The following ZNF276 variants were observed in gnomAD, a reference collection of about 807,000 sequenced individuals.
The protein encoded by ZNF276 is centromere protein Z.
ZNF276 carries 59 observed loss-of-function variants against 63.9 expected under a neutral mutation model. That is an observed-to-expected ratio of 0.92 (90% CI 0.75 to 1.15). The LOEUF (loss-of-function observed/expected upper bound fraction) is 1.15. ZNF276 is among the 50% of genes most tolerant of loss of function. The pLI is 0.00. For missense variants in ZNF276, 1,084 were observed against 843.8 expected (o/e 1.28, Z -3.53); for synonymous variants, 496 against 348.4 (o/e 1.42, Z -4.72).
intron 5 of ZNF276, among the ~76,000 whole-genome samples, chr16:89,727,956 A>G (rs1261929847): frequency 6.6e-6 from 1 of 152,222 alleles, no homozygotes; most frequent in Non-Finnish European, 1.5e-5. Flanking sequence ...CTCTGAGCCA[A>G]GCGCCATTCA....
At chr16:89,733,127 C>T in intron 6 of ZNF276, 175 bp from the exon 7 acceptor site, 1 of 645,562 alleles carries the variant, frequency 1.5e-6, no homozygotes, top group Non-Finnish European at 2.7e-6. Flanking sequence ...GCCCCTGAGG[C>T]CTCCTGTCCA....
chr16:89,738,210 C>T lies in ZNF276; in HGVS notation c.1809C>T (p.Thr603=), dbSNP rs779866663. ...CTGGGCCACCGAGCCCCTCTGTGAC[C>T]ACAGAGGGCCAGGCGGTGAAGCCCG... ...PPPGPPSPSV[T]TEGQAVKPEP... The change falls in exon 11 of 11, where the codon ACC becomes ACT. Residue 603 remains threonine, a synonymous_variant. Coordinates refer to ENST00000443381, the MANE Select transcript of ZNF276 (RefSeq NM_001113525.2). The T allele has an allele frequency of 3.7e-6, 6 of 1,610,354 alleles. No individual in the cohort carries two copies. Among genetic ancestry groups the T allele is most frequent in the East Asian group, 2.2e-5 (1 of 44,654 alleles).
At chr16:89,720,497 C>T (rs931061366), upstream of ZNF276, 69 of 1,130,122 alleles carry the variant, frequency 6.1e-5, no homozygotes, top group African/African-American at 1.1e-3. Flanking sequence ...TGCTACATCT[C>T]CTCTACAGGT....
rs1480028223 is a variant in ZNF276, at chr16:89,723,561, C to T, written c.858C>T (p.Ser286=). 6.2e-7 allele frequency: 1 copy of T among 1,612,778 alleles called. No homozygotes were observed. The highest frequency in any genetic ancestry group is 8.5e-7 in the Non-Finnish European group (1 of 1,179,988). ...ACCCTGGGGATGCCCCTCAGACCTCCCAGGGTAGAGGGACAGGGACCCCAG... is the reference window on the plus strand; with the variant it reads ...ACCCTGGGGATGCCCCTCAGACCTCTCAGGGTAGAGGGACAGGGACCCCAG... The part of the protein sequence containing the change: ...GWNPGDAPQT[S]QGRGTGTPVG... Residue 286 remains serine, a synonymous_variant, in exon 4 of 11, where the codon TCC becomes TCT. Coordinates refer to ENST00000443381, the MANE Select transcript of ZNF276 (RefSeq NM_001113525.2).
chr16:89,733,622 G>C, intron 8 of ZNF276, 65 bp downstream of exon 8: 1 of 1,578,448 alleles, frequency 6.3e-7, no homozygotes, highest in South Asian at 1.1e-5. Context: ...GGAGGTAGCA[G>C]GTGTTTCTGC....
In ZNF276 at chr16:89,739,323, G is replaced by A. The variant is rs369398999; in HGVS notation, c.*1077G>A. On this transcript the variant is annotated 3_prime_UTR_variant, in exon 11 of 11. Transcript: ENST00000443381. ...AAAGACATAGTGACAAATGGCTACA[G>A]ACTGCTGGAAAGGTAGCAGGTGATG... 6 of 1,613,280 alleles carry A rather than the reference G, an allele frequency of 3.7e-6. No homozygotes were observed. Among genetic ancestry groups the A allele is most frequent in the Admixed American group, 3.3e-5 (2 of 59,978 alleles).
intron 9 of ZNF276, 23 bp from the exon 10 acceptor site, chr16:89,737,783 C>G: frequency 6.2e-7 from 1 of 1,614,076 alleles, no homozygotes; most frequent in Non-Finnish European, 8.5e-7. Flanking sequence ...GGGGCCTGGA[C>G]TCACTGGACT....
At chr16:89,720,914 G>C, upstream of ZNF276, 3 of 1,268,072 alleles carry the variant, frequency 2.4e-6, no homozygotes, top group South Asian at 2.5e-5. Flanking sequence ...ACGGGCGACC[G>C]GAGGCCCGGA....
chr16:89,740,296 A>G lies in ZNF276; in HGVS notation c.*2050A>G. ...CTCAGGTAGGAGGCCAGGGACTTCG[A>G]GCACCCACACCAAGGCTGCTGCACC... is the stretch of plus-strand genomic sequence containing the variant. On this transcript the variant is annotated 3_prime_UTR_variant, in exon 11 of 11. Coordinates refer to ENST00000443381, the MANE Select transcript of ZNF276 (RefSeq NM_001113525.2). 1 of 605,668 alleles carries G rather than the reference A, an allele frequency of 1.7e-6. No individual in the cohort carries two copies. The highest frequency in any genetic ancestry group is 3.0e-6 in the Non-Finnish European group (1 of 337,528). The allele number at this position is 605,668 out of a possible 1,614,324, so 37.5% of individuals were successfully genotyped here. A position where few individuals can be genotyped will look rare whatever the true frequency, so the allele number is the denominator to read the frequency against.
rs1235253861 is a variant in ZNF276, at chr16:89,738,983, A to G, written c.*737A>G. ...AGTTCCACGGGGTTGCCCTAGAGAG[A>G]AAACAGGCAAACTCACAGGTTAGAA... On this transcript the variant is annotated 3_prime_UTR_variant, in exon 11 of 11. Coordinates refer to ENST00000443381, the MANE Select transcript of ZNF276 (RefSeq NM_001113525.2). 6 of 1,614,196 alleles carry G rather than the reference A, an allele frequency of 3.7e-6. No homozygotes were observed. The highest frequency in any genetic ancestry group is 5.1e-6 in the Non-Finnish European group (6 of 1,180,038).
Position 89,729,295 on chromosome 16 carries a change from C to T in ZNF276, c.1146C>T (p.Ser382=). 1 of 1,614,112 alleles carries T rather than the reference C, an allele frequency of 6.2e-7. No homozygotes were observed. Among genetic ancestry groups the T allele is most frequent in the Admixed American group, 1.7e-5 (1 of 60,016 alleles). Residue 382 remains serine (S), a synonymous_variant, in exon 6 of 11, where the codon TCC becomes TCT. Transcript: ENST00000443381. The stretch of plus-strand genomic sequence containing the variant: ...AAAATGCCCAGTCTTCGGACGAGTC[C>T]TTTGAGCCTTACCCAGAAAGGAAGT... ...KKQNAQSSDE[S]FEPYPERKVS... is the part of the protein sequence containing the mutation.
In ZNF276 at chr16:89,723,765, G is replaced by A. The variant is rs1332720545; in HGVS notation, c.1006+56G>A. The A allele has an allele frequency of 4.6e-6, 7 of 1,517,278 alleles. No homozygotes were observed. In the Admixed American group the frequency reaches 7.7e-5, roughly 17 times the overall value. The allele number at this position is 1,517,278 out of a possible 1,614,324, so 94.0% of individuals were successfully genotyped here. ...AGGATGTGTGCTCCTCAGTGGGGCA[G>A]GGTTTTCAGCAGAAAGTGAATGTCT... is the stretch of plus-strand genomic sequence containing the variant. On this transcript the variant is annotated intron_variant, in intron 4 of 10. Coordinates refer to ENST00000443381, the MANE Select transcript of ZNF276 (RefSeq NM_001113525.2).
rs1049216505 is a variant in ZNF276 at position 89,738,091 on chromosome 16, G to C, written c.1690G>C (p.Glu564Gln). Residue 564 changes from glutamate to glutamine, a missense_variant, in exon 11 of 11, where the codon GAG (glutamate) becomes CAG (glutamine). Coordinates refer to ENST00000443381, the MANE Select transcript of ZNF276 (RefSeq NM_001113525.2). The part of the protein sequence containing the change: ...FACDQCGRRF[E>Q]KAHNLNVHMS... ...CTGTGACCAGTGTGGCCGGCGGTTT[G>C]AGAAGGCCCACAACCTCAATGTACA... 6.2e-7 allele frequency: 1 copy of C among 1,613,926 alleles called. No homozygotes were observed. The highest frequency in any genetic ancestry group is 8.5e-7 in the Non-Finnish European group (1 of 1,180,042).
At chr16:89,736,793 T>A (rs1426476796) in intron 9 of ZNF276, among the ~76,000 whole-genome samples, 7 of 19,460 alleles carry the variant, frequency 3.6e-4, no homozygotes, top group Admixed American at 7.1e-4. Context: ...AGACCCTGTC[T>A]CCAAAAAAAA....
In ZNF276 at chr16:89,738,855, G is replaced by A. The variant is rs774344839; in HGVS notation, c.*609G>A. 5.0e-6 allele frequency: 8 copies of A among 1,614,098 alleles called. No individual in the cohort carries two copies. The African/African-American group carries it at 6.7e-5, about 13-fold the overall frequency. On this transcript the variant is annotated 3_prime_UTR_variant, in exon 11 of 11. Transcript: ENST00000443381. ...CTGTCAATTCTCATGTCCCCCACAT[G>A]GCCCAAGGTGGGCATCTTGACGTTA...
rs1203100504 is a variant in ZNF276 at position 89,727,303 on chromosome 16, C to T, written c.1031C>T (p.Pro344Leu). 3 of 1,614,152 alleles carry T rather than the reference C, an allele frequency of 1.9e-6. No individual in the cohort carries two copies. The highest frequency in any genetic ancestry group is 2.5e-6 in the Non-Finnish European group (3 of 1,180,040). Residue 344 changes from proline to leucine, a missense_variant, in exon 5 of 11, where the codon CCA becomes CTA. Physicochemically the swap from Pro to Leu is moderately conservative, Grantham distance 98 (BLOSUM62 -3). Coordinates refer to ENST00000443381, the MANE Select transcript of ZNF276 (RefSeq NM_001113525.2). ...APGQLGEKQL[P>L]SSTSDDRVKD... ...GGGCAGTTGGGTGAGAAGCAGCTTC[C>T]ATCTTCAACCTCGGATGATCGGGTA... is the stretch of plus-strand genomic sequence containing the variant.
chr16:89,734,122 G>A (rs1054686215), intron 9 of ZNF276, 84 bp downstream of exon 9: 10 of 1,296,866 alleles, frequency 7.7e-6, no homozygotes, highest in East Asian at 7.1e-5. Flanking sequence ...ACCCATCCCC[G>A]CCCCAAGAGT....
At position 89,738,693 on chromosome 16, in the gene ZNF276, C is replaced by G; in HGVS notation, c.*447C>G. ...GCGCTCACCTCTGGGTCGCAGTCCC[C>G]ACGATCAGCCAGCAGCTGTGAGAGA... On this transcript the variant is annotated 3_prime_UTR_variant, in exon 11 of 11. Transcript: ENST00000443381. 1 of 1,613,936 alleles carries G rather than the reference C, an allele frequency of 6.2e-7. No homozygotes were observed. The highest frequency in any genetic ancestry group is 1.1e-5 in the South Asian group (1 of 91,082).
Position 89,740,033 on chromosome 16 carries a change from T to G in ZNF276, c.*1787T>G. The G allele has an allele frequency of 6.2e-7, 1 of 1,614,186 alleles. No homozygotes were observed. The highest frequency in any genetic ancestry group is 8.5e-7 in the Non-Finnish European group (1 of 1,180,022). On this transcript the variant is annotated 3_prime_UTR_variant, in exon 11 of 11. Coordinates refer to ENST00000443381, the MANE Select transcript of ZNF276 (RefSeq NM_001113525.2). ...TGAAAGAGTGCCAGCCAGGATATCT[T>G]CCTCTTCTCTAAACACTCGAGGATT... is the stretch of plus-strand genomic sequence containing the variant.
Sources: gnomAD v4.1 joint callset for allele counts (sites outside exome capture counted in the v4.1 genomes callset) on GRCh38, gnomAD v4.1.1 for gene constraint, MANE v1.5 for transcripts, NCBI Gene and HGNC (gene_info 2026-07-23, HGNC 2026-07-21) for gene names.